The following DNAAF11 variants were observed in gnomAD, a reference collection of about 807,000 sequenced individuals.
The protein encoded by DNAAF11 is leucine rich repeat containing 6.
DNAAF11 carries 45 observed loss-of-function variants against 60.8 expected under a neutral mutation model. The ratio of observed to expected loss-of-function variants is 0.74; its 90% CI spans 0.58 to 0.95. The LOEUF (loss-of-function observed/expected upper bound fraction) is 0.95. DNAAF11 is among the 40% of genes least tolerant of loss of function. The pLI is 0.00. For missense variants in DNAAF11, 546 were observed against 546.2 expected (o/e 1.00, Z 0.00); for synonymous variants, 191 against 183.5 (o/e 1.04, Z -0.33).
At position 132,572,423 on chromosome 8, in the gene DNAAF11, C is replaced by T. The variant is rs1370395409; in HGVS notation, c.1284G>A (p.Val428=). The change falls in exon 12 of 12, where the codon GTG becomes GTA. Residue 428 remains valine (V), a synonymous_variant. Coordinates refer to ENST00000620350, the MANE Select transcript of DNAAF11 (RefSeq NM_012472.6). ...GTTTTTTCTCTTGAACTATGTTAGTCACATCAGGGAATGAGTGCTTGCTAG... is the reference window on the plus strand; with the variant it reads ...GTTTTTTCTCTTGAACTATGTTAGTTACATCAGGGAATGAGTGCTTGCTAG... ...VDPSKHSFPD[V]TNIVQEKKHT... 1.9e-6 allele frequency: 3 copies of T among 1,613,450 alleles called. No individual in the cohort carries two copies. In the Admixed American group the frequency reaches 5.0e-5, roughly 27 times the overall value.
At chr8:132,593,244 T>C (rs1816643092) in intron 10 of DNAAF11, among the ~76,000 whole-genome samples, 1 of 150,504 alleles carries the variant, frequency 6.6e-6, no homozygotes, top group African/African-American at 2.4e-5. Context: ...CCAAACTTCC[T>C]ATTGAGCTCA....
upstream of DNAAF11, among the ~76,000 whole-genome samples, chr8:132,680,586 T>G (rs1440696975): frequency 6.6e-6 from 1 of 152,162 alleles, no homozygotes; most frequent in African/African-American, 2.4e-5. Context: ...TCAGAAAAGT[T>G]TCTACATTGC....
chr8:132,591,173 T>C (rs1274609873), intron 10 of DNAAF11, among the ~76,000 whole-genome samples: 1 of 152,198 alleles, frequency 6.6e-6, no homozygotes, highest in African/African-American at 2.4e-5. Flanking sequence ...CCCAAAAAGA[T>C]TAAATCATTT....
intron 11 of DNAAF11, among the ~76,000 whole-genome samples, chr8:132,582,961 G>C (rs150149317): frequency 6.6e-6 from 1 of 152,176 alleles, no homozygotes; most frequent in Non-Finnish European, 1.5e-5. Flanking sequence ...TTTAAGGGAT[G>C]TCATTGCTTA....
At chr8:132,652,232 G>A (rs964147908) in intron 3 of DNAAF11, among the ~76,000 whole-genome samples, 1 of 152,208 alleles carries the variant, frequency 6.6e-6, no homozygotes, top group African/African-American at 2.4e-5. Flanking sequence ...AGAGTACACA[G>A]TGGCTCTGCC....
At chr8:132,634,264 AT>A (rs1821079713) in intron 4 of DNAAF11, among the ~76,000 whole-genome samples, 1 of 152,120 alleles carries the variant, frequency 6.6e-6, no homozygotes, top group African/African-American at 2.4e-5. Flanking sequence ...TAGTTACACA[AT>A]TTTCATGGTC....
intron 1 of DNAAF11, among the ~76,000 whole-genome samples, chr8:132,666,838 GGGT>G (rs1008465992): frequency 6.6e-6 from 1 of 152,168 alleles, no homozygotes; most frequent in African/African-American, 2.4e-5. Flanking sequence ...CGGGTCATGT[GGGT>G]GGTCAGGGAT....
chr8:132,671,091 T>C (rs1685925599), intron 1 of DNAAF11, among the ~76,000 whole-genome samples: 2 of 152,106 alleles, frequency 1.3e-5, no homozygotes, highest in South Asian at 4.1e-4. Flanking sequence ...GTTCTAGCAA[T>C]AGGCAAGGAA....
At chr8:132,693,396 C>T in the DNAAF11 span, among the ~76,000 whole-genome samples, 13 of 151,388 alleles carry the variant, frequency 8.6e-5, no homozygotes, top group Admixed American at 1.3e-4. Context: ...ATCCACAATA[C>T]GAATGTATGT....
chr8:132,587,669 T>C (rs1028007331), intron 10 of DNAAF11, among the ~76,000 whole-genome samples: 1 of 152,198 alleles, frequency 6.6e-6, no homozygotes, highest in African/African-American at 2.4e-5. Context: ...CAAAATATGC[T>C]TAGTAAATTA....
intron 7 of DNAAF11, among the ~76,000 whole-genome samples, chr8:132,620,672 C>T (rs1421773598): frequency 6.6e-6 from 1 of 152,106 alleles, no homozygotes; most frequent in Non-Finnish European, 1.5e-5. Flanking sequence ...AAAACTAAAG[C>T]ACAGCAAGAG....
chr8:132,644,489 G>C (rs1822165517), intron 3 of DNAAF11, among the ~76,000 whole-genome samples: 1 of 152,114 alleles, frequency 6.6e-6, no homozygotes, highest in Admixed American at 6.5e-5. Flanking sequence ...GGGCTTGTTG[G>C]ACAATGGGTG....
the DNAAF11 span, among the ~76,000 whole-genome samples, chr8:132,701,552 T>C: frequency 6.6e-6 from 1 of 152,150 alleles, no homozygotes; most frequent in East Asian, 1.9e-4. Flanking sequence ...CTGAGCTGCA[T>C]GGACCCCAGA....
intron 10 of DNAAF11, among the ~76,000 whole-genome samples, chr8:132,603,500 C>A (rs559990425): frequency 1.3e-5 from 2 of 151,894 alleles, no homozygotes; most frequent in South Asian, 4.1e-4. Flanking sequence ...GGATAAAAAG[C>A]CTACTAAAAG....
the DNAAF11 span, among the ~76,000 whole-genome samples, chr8:132,692,033 CT>C: frequency 7.9e-5 from 12 of 152,244 alleles, no homozygotes; most frequent in African/African-American, 2.6e-4. Context: ...ATATAATTTA[CT>C]TTGAAAGAGA....
chr8:132,612,663 A>G (rs1238835873), intron 8 of DNAAF11, among the ~76,000 whole-genome samples: 1 of 152,198 alleles, frequency 6.6e-6, no homozygotes, highest in Non-Finnish European at 1.5e-5. Context: ...ATAGGAGATC[A>G]TGACTGGGGA....
At chr8:132,702,159 G>C in the DNAAF11 span, 1 of 152,076 alleles carries the variant, frequency 6.6e-6, no homozygotes, top group Non-Finnish European at 1.5e-5. Context: ...CTCTTATTTG[G>C]TCTTCTCTAT....
chr8:132,667,566 A>T (rs573233218), intron 1 of DNAAF11, among the ~76,000 whole-genome samples: 11 of 152,340 alleles, frequency 7.2e-5, no homozygotes, highest in Non-Finnish European at 1.3e-4. Flanking sequence ...TCACTTCCTT[A>T]TTTTAGGAAA....
At chr8:132,611,236 A>G (rs1200468536) in intron 9 of DNAAF11, 58 bp downstream of exon 9, 2 of 1,225,934 alleles carry the variant, frequency 1.6e-6, no homozygotes. Context: ...TTGAGGCACC[A>G]CAGCTTAGTT....
Sources: allele counts gnomAD v4.1 joint callset (sites outside exome capture counted in the v4.1 genomes callset), GRCh38; gene constraint gnomAD v4.1.1; transcripts MANE v1.5; gene names NCBI Gene and HGNC (gene_info 2026-07-23, HGNC 2026-07-21).